LDLRAD4: variants seen among roughly 807,000 people sequenced by gnomAD.
LDLRAD4 encodes the protein low density lipoprotein receptor class A domain containing 4, also known as low-density lipoprotein receptor class A domain-containing protein 4.
LDLRAD4 carries 5 observed loss-of-function variants against 17.0 expected under a neutral mutation model. The ratio of observed to expected loss-of-function variants is 0.29; its 90% CI spans 0.15 to 0.62. LDLRAD4 has a LOEUF of 0.62. Among genes scored for constraint, LDLRAD4 ranks in the 20% least tolerant of loss-of-function variants. The pLI is 0.84. For synonymous variants in LDLRAD4, 168 were observed against 171.8 expected (o/e 0.98, Z 0.17); for missense variants, 340 against 424.7 (o/e 0.80, Z 1.75).
chr18:13,247,338 G>A (rs1238052143), intron 1 of LDLRAD4, among the ~76,000 whole-genome samples: 1 of 151,750 alleles, frequency 6.6e-6, no homozygotes, highest in African/African-American at 2.4e-5. Flanking sequence ...ATCATGGCAC[G>A]CGTATCACAA....
chr18:13,464,926 G>A (rs1600543022), intron 3 of LDLRAD4: 1 of 152,204 alleles, frequency 6.6e-6, no homozygotes, highest in East Asian at 1.9e-4. Context: ...TGGTTGGCCG[G>A]TGCACAAGAC....
At chr18:13,302,027 T>C (rs2046635382) in intron 1 of LDLRAD4, among the ~76,000 whole-genome samples, 1 of 152,244 alleles carries the variant, frequency 6.6e-6, no homozygotes, top group African/African-American at 2.4e-5. Flanking sequence ...AATGTGATGA[T>C]GTTTAGAAGC....
At chr18:13,396,922 T>C (rs1310206550) in intron 2 of LDLRAD4, among the ~76,000 whole-genome samples, 1 of 152,240 alleles carries the variant, frequency 6.6e-6, no homozygotes, top group Admixed American at 6.5e-5. Flanking sequence ...GAAAATACAT[T>C]AATAAATGTT....
intron 1 of LDLRAD4, among the ~76,000 whole-genome samples, chr18:13,316,953 A>G (rs1402738618): frequency 2.6e-5 from 4 of 152,246 alleles, no homozygotes; most frequent in African/African-American, 7.2e-5. Flanking sequence ...ATAAAATGCA[A>G]CTGAACTAAA....
At chr18:13,623,875 C>A (rs1033878539) in intron 4 of LDLRAD4, among the ~76,000 whole-genome samples, 1 of 152,180 alleles carries the variant, frequency 6.6e-6, no homozygotes, top group Non-Finnish European at 1.5e-5. Flanking sequence ...CTTCTAACTT[C>A]TTTTAAGAAA....
intron 1 of LDLRAD4, among the ~76,000 whole-genome samples, chr18:13,248,358 C>T (rs989018254): frequency 1.3e-5 from 2 of 152,264 alleles, no homozygotes; most frequent in African/African-American, 2.4e-5. Context: ...TACTTCCCCT[C>T]GGTGCCCAGG....
chr18:13,642,216 C>A, intron 4 of LDLRAD4: 1 of 986,014 alleles, frequency 1.0e-6, no homozygotes, highest in African/African-American at 1.7e-5. Context: ...GTTTCTTCCG[C>A]GCCGTCCCTC....
At chr18:13,607,839 C>A (rs1165919017) in intron 3 of LDLRAD4, among the ~76,000 whole-genome samples, 3 of 152,212 alleles carry the variant, frequency 2.0e-5, no homozygotes, top group Non-Finnish European at 4.4e-5. Flanking sequence ...TTTACCTGGT[C>A]TATCACTGAT....
At chr18:13,285,622 G>T (rs1467962206) in intron 1 of LDLRAD4, among the ~76,000 whole-genome samples, 1 of 152,210 alleles carries the variant, frequency 6.6e-6, no homozygotes, top group Non-Finnish European at 1.5e-5. Flanking sequence ...TGCACAAGGG[G>T]TCTGGGGTCT....
intron 2 of LDLRAD4, among the ~76,000 whole-genome samples, chr18:13,435,644 C>T (rs1246580152): frequency 1.3e-5 from 2 of 152,108 alleles, no homozygotes; most frequent in African/African-American, 2.4e-5. Flanking sequence ...GACAGGGTCT[C>T]GCTTTGTTGC....
At chr18:13,600,791 A>AT (rs2095151990) in intron 3 of LDLRAD4, among the ~76,000 whole-genome samples, 1 of 152,122 alleles carries the variant, frequency 6.6e-6, no homozygotes, top group Admixed American at 6.5e-5. Context: ...AAGCTTGTAA[A>AT]TTTTTTTAAA....
At chr18:13,249,965 T>A (rs1450692329) in intron 1 of LDLRAD4, among the ~76,000 whole-genome samples, 3 of 152,230 alleles carry the variant, frequency 2.0e-5, no homozygotes. Context: ...TTTCTGCATA[T>A]GCATATAGTT....
chr18:13,581,788 C>T (rs1227157616), intron 3 of LDLRAD4, among the ~76,000 whole-genome samples: 1 of 152,158 alleles, frequency 6.6e-6, no homozygotes, highest in Non-Finnish European at 1.5e-5. Context: ...CTGAGCTGAG[C>T]AGCCATGCTT....
rs567141104 is a variant in LDLRAD4 at position 13,497,023 on chromosome 18, A to G, written c.181+58639A>G. The stretch of plus-strand genomic sequence containing the variant: ...GTATTCAAGAAAAGCAGTAAGTAAG[A>G]TGAATTACTGTGTTTTAAGCCATAA... On this transcript the variant is annotated intron_variant, in intron 3 of 5. Coordinates refer to ENST00000359446, the Ensembl canonical transcript of LDLRAD4. Among the ~76,000 whole-genome samples the G allele has an allele frequency of 3.3e-5, 5 of 152,348 alleles. No individual in the cohort carries two copies. In the South Asian group the frequency reaches 6.2e-4, roughly 19 times the overall value.
intron 1 of LDLRAD4, among the ~76,000 whole-genome samples, chr18:13,368,406 G>A (rs1021251749): frequency 2.8e-4 from 42 of 152,168 alleles, no homozygotes; most frequent in African/African-American, 8.9e-4. Flanking sequence ...GCCCCGGCCT[G>A]TCTCAGGGAT....
rs11875055 is a variant in LDLRAD4 at position 13,501,744 on chromosome 18, C to T, written c.181+63360C>T. Among the ~76,000 whole-genome samples the T allele has an allele frequency of 8.8e-3, 1,336 of 152,162 alleles. 25 individuals carry two copies. Among genetic ancestry groups the T allele is most frequent in the African/African-American group, 0.03 (1,256 of 41,516 alleles). On this transcript the variant is annotated intron_variant, in intron 3 of 5. Coordinates refer to ENST00000359446, the Ensembl canonical transcript of LDLRAD4. ...AGGACGCCTGACACTCGCTCACACA[C>T]GCATGTCCCTCTCTCTGAGAGCCAG...
chr18:13,336,228 G>A (rs1387849434), intron 1 of LDLRAD4, among the ~76,000 whole-genome samples: 1 of 152,170 alleles, frequency 6.6e-6, no homozygotes, highest in Non-Finnish European at 1.5e-5. Flanking sequence ...ATGAGGCTCG[G>A]AGGGGTTAAA....
intron 2 of LDLRAD4, among the ~76,000 whole-genome samples, chr18:13,427,942 A>G (rs1484967561): frequency 6.6e-6 from 1 of 152,188 alleles, no homozygotes; most frequent in South Asian, 2.1e-4. Flanking sequence ...TGTGGTTCCT[A>G]TAAGAACCTC....
At chr18:13,269,884 A>G (rs2044429316) in intron 1 of LDLRAD4, among the ~76,000 whole-genome samples, 1 of 152,168 alleles carries the variant, frequency 6.6e-6, no homozygotes, top group African/African-American at 2.4e-5. Context: ...CCGTCACCTG[A>G]CATCCATGTT....
Sources: allele counts gnomAD v4.1 joint callset (sites outside exome capture counted in the v4.1 genomes callset), GRCh38; gene constraint gnomAD v4.1.1; transcripts MANE v1.5; gene names NCBI Gene and HGNC (gene_info 2026-07-23, HGNC 2026-07-21).